Variants in VWC2L observed in about 807,000 individuals in gnomAD.
VWC2L encodes the protein von Willebrand factor C domain containing 2 like.
A neutral mutation model predicts 21.6 loss-of-function variants in VWC2L; 10 were observed. The ratio of observed to expected loss-of-function variants is 0.46; its 90% CI spans 0.29 to 0.78. The LOEUF (loss-of-function observed/expected upper bound fraction) is 0.78. Among genes scored for constraint, VWC2L ranks in the 30% least tolerant of loss-of-function variants. VWC2L has a pLI of 0.10. For synonymous variants in VWC2L, 96 were observed against 94.3 expected (o/e 1.02, Z -0.10); for missense variants, 209 against 277.1 (o/e 0.75, Z 1.74).
At chr2:214,546,616 A>G (rs993151307) in intron 3 of VWC2L, among the ~76,000 whole-genome samples, 2 of 152,190 alleles carry the variant, frequency 1.3e-5, no homozygotes, top group Admixed American at 1.3e-4. Context: ...CAGAAAACAC[A>G]TGTATTGTTC....
chr2:214,506,679 A>G (rs897893629), intron 3 of VWC2L, among the ~76,000 whole-genome samples: 3 of 129,628 alleles, frequency 2.3e-5, no homozygotes, highest in African/African-American at 7.5e-5. Context: ...TTTATCATAG[A>G]AAATATTATA....
chr2:214,438,583 AAC>A (rs1205305363), intron 3 of VWC2L, among the ~76,000 whole-genome samples: 7 of 152,050 alleles, frequency 4.6e-5, no homozygotes, highest in Non-Finnish European at 8.8e-5. Flanking sequence ...ATACGTTTAA[AAC>A]AGTTTTTACA....
At chr2:214,431,059 G>A (rs1702594581) in intron 2 of VWC2L, among the ~76,000 whole-genome samples, 1 of 152,158 alleles carries the variant, frequency 6.6e-6, no homozygotes, top group African/African-American at 2.4e-5. Context: ...TGTGAATTTT[G>A]GTTAAAACCC....
chr2:214,512,001 A>T (rs1195029812), intron 3 of VWC2L, among the ~76,000 whole-genome samples: 1 of 151,102 alleles, frequency 6.6e-6, no homozygotes, highest in Non-Finnish European at 1.5e-5. Flanking sequence ...TACCCTTCTC[A>T]TTAGTGTTTC....
chr2:214,490,229 C>T (rs1408008708), intron 3 of VWC2L, among the ~76,000 whole-genome samples: 3 of 152,186 alleles, frequency 2.0e-5, no homozygotes, highest in African/African-American at 4.8e-5. Flanking sequence ...ATCATCTCTC[C>T]TCTTTGGTTT....
chr2:214,539,639 A>G (rs771707728), intron 3 of VWC2L, among the ~76,000 whole-genome samples: 14 of 152,118 alleles, frequency 9.2e-5, no homozygotes, highest in Non-Finnish European at 1.5e-4. Flanking sequence ...TTTGATTTGT[A>G]TTCTGTTTTC....
At chr2:214,499,176 G>A (rs1319022833) in intron 3 of VWC2L, among the ~76,000 whole-genome samples, 1 of 151,558 alleles carries the variant, frequency 6.6e-6, no homozygotes, top group Non-Finnish European at 1.5e-5. Flanking sequence ...CTGCCACCAT[G>A]CCCAGCTAAT....
At chr2:214,483,916 C>T (rs541315364) in intron 3 of VWC2L, among the ~76,000 whole-genome samples, 24 of 152,228 alleles carry the variant, frequency 1.6e-4, no homozygotes, top group East Asian at 5.8e-4. Flanking sequence ...TATTCTCTAA[C>T]GGTTTTGGAA....
intron 3 of VWC2L, among the ~76,000 whole-genome samples, chr2:214,523,954 T>C (rs1689285690): frequency 6.6e-6 from 1 of 152,198 alleles, no homozygotes; most frequent in Admixed American, 6.5e-5. Context: ...GGGGTTTGTT[T>C]TAACTATGAC....
intron 2 of VWC2L, among the ~76,000 whole-genome samples, chr2:214,432,226 G>T (rs1364631017): frequency 6.6e-6 from 1 of 152,200 alleles, no homozygotes; most frequent in Admixed American, 6.5e-5. Flanking sequence ...TTGAGTATCT[G>T]TCATGTGCTA....
intron 3 of VWC2L, among the ~76,000 whole-genome samples, chr2:214,504,297 C>T (rs1688937573): frequency 6.6e-6 from 1 of 152,174 alleles, no homozygotes; most frequent in Admixed American, 6.5e-5. Flanking sequence ...TTGGAAGTAG[C>T]TTCCTGTTAC....
intron 3 of VWC2L, among the ~76,000 whole-genome samples, chr2:214,439,144 T>C (rs1179287106): frequency 1.3e-5 from 2 of 152,058 alleles, no homozygotes; most frequent in African/African-American, 4.8e-5. Flanking sequence ...TGAAGACACG[T>C]ATGACCACCA....
At chr2:214,523,114 T>C (rs1689270292) in intron 3 of VWC2L, among the ~76,000 whole-genome samples, 1 of 152,232 alleles carries the variant, frequency 6.6e-6, no homozygotes, top group South Asian at 2.1e-4. Flanking sequence ...CCTCTTTGTT[T>C]CAATGGCTAA....
intron 3 of VWC2L, among the ~76,000 whole-genome samples, chr2:214,451,253 ATAT>A (rs1387131785): frequency 6.7e-6 from 1 of 149,928 alleles, no homozygotes; most frequent in Non-Finnish European, 1.5e-5. Context: ...TTAGGTGCTA[ATAT>A]TAAGAAATTC....
chr2:214,480,619 A>T (rs959523792), intron 3 of VWC2L, among the ~76,000 whole-genome samples: 1 of 152,146 alleles, frequency 6.6e-6, no homozygotes, highest in African/African-American at 2.4e-5. Flanking sequence ...CTTTCATCTT[A>T]TTAGTCCACT....
intron 3 of VWC2L, among the ~76,000 whole-genome samples, chr2:214,484,324 T>C (rs762983247): frequency 7.2e-5 from 11 of 152,284 alleles, no homozygotes; most frequent in East Asian, 1.9e-4. Flanking sequence ...TAGTCTGAAT[T>C]CTTTCCCAAG....
At chr2:214,454,986 A>C (rs1219804410) in intron 3 of VWC2L, among the ~76,000 whole-genome samples, 1 of 152,086 alleles carries the variant, frequency 6.6e-6, no homozygotes, top group African/African-American at 2.4e-5. Context: ...AATTTGCAAA[A>C]AATTTTTTAA....
chr2:214,561,793 TATATATATATATATATACAC>T (rs1362745116), intron 3 of VWC2L, among the ~76,000 whole-genome samples: 2,957 of 14,174 alleles, frequency 0.21, 149 homozygotes, highest in African/African-American at 0.26. Context: ...ATTATATATA[TATATATATATATATATACAC>T]ACACATATAT....
At chr2:214,554,262 G>A (rs1689840493) in intron 3 of VWC2L, among the ~76,000 whole-genome samples, 1 of 152,118 alleles carries the variant, frequency 6.6e-6, no homozygotes, top group Non-Finnish European at 1.5e-5. Context: ...AGTGTACGGT[G>A]TCAACCAAAA....
Sources: gnomAD v4.1 joint callset for allele counts (sites outside exome capture counted in the v4.1 genomes callset) on GRCh38, gnomAD v4.1.1 for gene constraint, MANE v1.5 for transcripts, NCBI Gene and HGNC (gene_info 2026-07-23, HGNC 2026-07-21) for gene names.